GSDMD: variants seen among roughly 807,000 people sequenced by gnomAD.
GSDMD encodes the protein gasdermin-D.
In GSDMD, 46 loss-of-function variants were observed where a neutral mutation model predicts 46.7. The observed-to-expected ratio is 0.99, with a 90% confidence interval of 0.78 to 1.26. GSDMD has a LOEUF of 1.26. GSDMD is among the 50% of genes most tolerant of loss of function. The pLI is 0.00. For missense variants in GSDMD, 649 were observed against 638.8 expected, an observed-to-expected ratio of 1.02 and a Z score of -0.17; for synonymous variants, 307 against 283.1, an observed-to-expected ratio of 1.08 and a Z score of -0.85.
upstream of GSDMD, chr8:143,558,051 C>G (rs1299187866): frequency 7.7e-6 from 3 of 387,208 alleles, no homozygotes; most frequent in African/African-American, 2.1e-5. Context: ...TGCGCCACCA[C>G]GCCGGGCTAA....
At chr8:143,561,475 C>A (rs764912576) in intron 6 of GSDMD, 52 bp downstream of exon 6, 1 of 1,559,708 alleles carries the variant, frequency 6.4e-7, no homozygotes, top group East Asian at 2.3e-5. Flanking sequence ...AAGCACACTC[C>A]CTGGGCAGTT....
intron 1 of GSDMD, chr8:143,558,770 G>A (rs2130564195): frequency 1.6e-6 from 1 of 606,496 alleles, no homozygotes; most frequent in Non-Finnish European, 3.0e-6. Context: ...GGCTTCCTGG[G>A]GCAGCTGCAG....
intron 3 of GSDMD, 160 bp from the exon 4 acceptor site, chr8:143,560,443 C>A: frequency 1.4e-6 from 1 of 703,526 alleles, no homozygotes; most frequent in East Asian, 2.7e-5. Flanking sequence ...GGGGTCCCGT[C>A]CCCGTGGGGA....
intron 6 of GSDMD, 95 bp downstream of exon 6, chr8:143,561,518 G>T (rs1049425248): frequency 1.5e-6 from 2 of 1,313,966 alleles, no homozygotes; most frequent in African/African-American, 2.9e-5. Context: ...AGGGCACAGG[G>T]AGGCCGGGCA....
At chr8:143,558,169 C>T, upstream of GSDMD, 1 of 722,972 alleles carries the variant, frequency 1.4e-6, no homozygotes, top group Non-Finnish European at 2.1e-6. Context: ...TTAAGAAAAA[C>T]CACAAAGTGC....
At chr8:143,554,195 G>A (rs1313440927), upstream of GSDMD, among the ~76,000 whole-genome samples, 1 of 150,566 alleles carries the variant, frequency 6.6e-6, no homozygotes, top group African/African-American at 2.4e-5. Context: ...CACCGGCTGC[G>A]CACCGTGACC....
upstream of GSDMD, chr8:143,558,216 C>A: frequency 1.7e-6 from 2 of 1,146,156 alleles, no homozygotes; most frequent in Non-Finnish European, 2.4e-6. Context: ...GGCGCCAAGC[C>A]AAGGTTCCTC....
rs575335708 is a variant in GSDMD at position 143,561,902 on chromosome 8, G to A, written c.824-57G>A. The A allele has an allele frequency of 4.7e-5, 76 of 1,607,902 alleles. No individual in the cohort carries two copies. In the African/African-American group the frequency reaches 5.1e-4, roughly 11 times the overall value. On this transcript the variant is annotated intron_variant, in intron 7 of 10. Coordinates refer to ENST00000262580, the MANE Select transcript of GSDMD (RefSeq NM_024736.7). ...CCCCTGGGGTCTGCCTGTCCTGACC[G>A]AGGCTTTCCAGGGCCCTGTAAGCAC...
In GSDMD at chr8:143,562,722, C is replaced by T. The variant is rs1419184754; in HGVS notation, c.1273C>T (p.Pro425Ser). 1.3e-6 allele frequency: 2 copies of T among 1,593,134 alleles called. No homozygotes were observed. Among genetic ancestry groups the T allele is most frequent in the Non-Finnish European group, 8.5e-7 (1 of 1,169,934 alleles). Reference sequence around the variant, plus strand: ...GGAGCGCAGCACCATGTCCCTGCCCCCCGGGCTCCTGGGGAACAGCTGGGG... The same window carrying T: ...GGAGCGCAGCACCATGTCCCTGCCCTCCGGGCTCCTGGGGAACAGCTGGGG... ...WQERSTMSLP[P>S]GLLGNSWGEG... is the part of the protein sequence containing the mutation. Residue 425 changes from proline (P) to serine (S), a missense_variant, in exon 11 of 11, where the codon CCC becomes TCC. Pro to Ser is a moderately conservative substitution (Grantham distance 74). Transcript: ENST00000262580.
At chr8:143,560,247 G>T in intron 3 of GSDMD, 1 of 687,236 alleles carries the variant, frequency 1.5e-6, no homozygotes, top group Non-Finnish European at 2.7e-6. Flanking sequence ...CGCTGTGGCC[G>T]GAACCAGCTT....
chr8:143,559,490 C>T lies in GSDMD; in HGVS notation c.155C>T (p.Pro52Leu). ...RKPSSSWFWKPRYKCVNLSIK... is the reference protein window; with the variant it reads ...RKPSSSWFWKLRYKCVNLSIK... ...CCCTCAAGCTCATGGTTCTGGAAACCCCGTTATAAGTGTGTCAACCTGTCT... is the reference window on the plus strand; with the variant it reads ...CCCTCAAGCTCATGGTTCTGGAAACTCCGTTATAAGTGTGTCAACCTGTCT... The change falls in exon 2 of 11, where the codon CCC (proline) becomes CTC (leucine). Residue 52 changes from proline to leucine, a missense_variant. Pro to Leu is a moderately conservative substitution (Grantham distance 98, BLOSUM62 -3). Transcript: ENST00000262580. 1.2e-6 allele frequency: 2 copies of T among 1,612,904 alleles called. No homozygotes were observed. The highest frequency in any genetic ancestry group is 1.7e-6 in the Non-Finnish European group (2 of 1,180,008).
rs62523583 is a variant in GSDMD, at chr8:143,562,424, C to T, written c.1139-24C>T. On this transcript the variant is annotated intron_variant, in intron 9 of 10. Coordinates refer to ENST00000262580, the MANE Select transcript of GSDMD (RefSeq NM_024736.7). Reference sequence around the variant, plus strand: ...CTTTCCCGGTGGGCGTTCAGAAACCCCCTTTTACCTGACTCTCTCCCAGTG... The same window carrying T: ...CTTTCCCGGTGGGCGTTCAGAAACCTCCTTTTACCTGACTCTCTCCCAGTG... 4.6e-3 allele frequency: 7,415 copies of T among 1,598,198 alleles called. 47 individuals carry two copies. The highest frequency in any genetic ancestry group is 0.019 in the South Asian group (1,658 of 89,190).
chr8:143,558,530 T>G, intron 1 of GSDMD, 79 bp downstream of exon 1: 1 of 1,263,930 alleles, frequency 7.9e-7, no homozygotes, highest in Non-Finnish European at 1.0e-6. Context: ...GGGTGGGGGA[T>G]GCTGGCCCTG....
upstream of GSDMD, chr8:143,557,983 C>A (rs1340732653): frequency 7.3e-6 from 3 of 409,212 alleles, no homozygotes; most frequent in South Asian, 5.4e-5. Flanking sequence ...CAACCTACAC[C>A]TCCCAGGTTC....
At chr8:143,561,341 G>A in intron 5 of GSDMD, 29 bp from the exon 6 acceptor site, 1 of 1,586,592 alleles carries the variant, frequency 6.3e-7, no homozygotes, top group Non-Finnish European at 8.6e-7. Context: ...TGACATGCCT[G>A]TCCCTGTCTG....
At chr8:143,560,471 C>A in intron 3 of GSDMD, 132 bp from the exon 4 acceptor site, 1 of 946,132 alleles carries the variant, frequency 1.1e-6, no homozygotes, top group Non-Finnish European at 1.6e-6. Flanking sequence ...GAGAGGCTGC[C>A]GGTGCCCCGG....
At position 143,559,892 on chromosome 8, in the gene GSDMD, T is replaced by C; in HGVS notation, c.333T>C (p.Ser111=). The change falls in exon 3 of 11, where the codon TCT becomes TCC. Residue 111 remains serine, a synonymous_variant. Coordinates refer to ENST00000262580, the MANE Select transcript of GSDMD (RefSeq NM_024736.7). ...AGATCGCAGGCGGGGCCGCGGTGTC[T>C]GACAGCTCCAGCACCTCAATGAATG... ...QAKIAGGAAV[S]DSSSTSMNVY... is the part of the protein sequence containing the mutation. 2 of 1,612,802 alleles carry C rather than the reference T, an allele frequency of 1.2e-6. No homozygotes were observed. The highest frequency in any genetic ancestry group is 1.7e-6 in the Non-Finnish European group (2 of 1,179,968).
At chr8:143,558,270 G>A, upstream of GSDMD, 6 of 1,457,304 alleles carry the variant, frequency 4.1e-6, no homozygotes, top group East Asian at 2.7e-5. Context: ...GCGGGAAGAG[G>A]GGGCAGGAAG....
upstream of GSDMD, among the ~76,000 whole-genome samples, chr8:143,557,054 C>T (rs541199329): frequency 7.9e-4 from 120 of 152,390 alleles, no homozygotes; most frequent in Non-Finnish European, 7.3e-5. Context: ...TCCCTCTGGA[C>T]GTGCCCATTC....
Sources: allele counts gnomAD v4.1 joint callset (sites outside exome capture counted in the v4.1 genomes callset), GRCh38; gene constraint gnomAD v4.1.1; transcripts MANE v1.5; gene names NCBI Gene and HGNC (gene_info 2026-07-23, HGNC 2026-07-21).